The following UBL3 variants were observed in gnomAD, a reference collection of about 807,000 sequenced individuals.
UBL3 encodes ubiquitin-like protein 3.
UBL3 carries 6 observed loss-of-function variants against 18.4 expected under a neutral mutation model. The ratio of observed to expected loss-of-function variants is 0.33; its 90% CI spans 0.18 to 0.64. The LOEUF (loss-of-function observed/expected upper bound fraction) is 0.64. Among genes scored for constraint, UBL3 ranks in the 30% least tolerant of loss-of-function variants. The probability of loss-of-function intolerance (pLI) is 0.76; values close to 1 mark genes in which losing one functional copy is unlikely to be tolerated. For missense variants in UBL3, 109 were observed against 142.9 expected (o/e 0.76, Z 1.21); for synonymous variants, 49 against 46.6 (o/e 1.05, Z -0.21).
At chr13:29,777,524 C>T (rs771249051) in intron 1 of UBL3, 1 of 570,420 alleles carries the variant, frequency 1.8e-6, no homozygotes, top group Non-Finnish European at 3.4e-6. Context: ...ATTCATTACA[C>T]TTTTAAATTT....
At chr13:29,825,564 CTT>C (rs1346537999) in intron 1 of UBL3, among the ~76,000 whole-genome samples, 2 of 152,204 alleles carry the variant, frequency 1.3e-5, no homozygotes, top group Non-Finnish European at 2.9e-5. Flanking sequence ...TAACCTGAGA[CTT>C]TGCTGAAGTT....
intron 1 of UBL3, among the ~76,000 whole-genome samples, chr13:29,828,574 C>G (rs747050929): frequency 1.3e-5 from 2 of 152,106 alleles, no homozygotes; most frequent in East Asian, 1.9e-4. Flanking sequence ...GTTAGCCATT[C>G]GTCTAATCTT....
chr13:29,836,042 A>G (rs2139364265), intron 1 of UBL3, among the ~76,000 whole-genome samples: 1 of 152,322 alleles, frequency 6.6e-6, no homozygotes, highest in South Asian at 2.1e-4. Context: ...GGGAATGTGA[A>G]TCAAAGTAGA....
rs149700818 is a variant in UBL3, at chr13:29,777,275, C to T, written c.28-12G>A. ...AGGCGCAAATTTATCTGAAAGAAGA[C>T]AATGATTCTTTTAACATAAATCTAA... is the stretch of plus-strand genomic sequence containing the variant. On this transcript the variant is annotated splice_polypyrimidine_tract_variant and intron_variant, in intron 1 of 4. Transcript: ENST00000380680. The T allele has an allele frequency of 2.2e-4, 344 of 1,587,474 alleles. 2 individuals are homozygous for T. In the East Asian group the frequency reaches 5.6e-3, roughly 26 times the overall value.
chr13:29,835,116 ATATATATAAATATATATATATATATAT>A (rs1878902050), intron 1 of UBL3, among the ~76,000 whole-genome samples: 1 of 24,806 alleles, frequency 4.0e-5, no homozygotes, highest in Non-Finnish European at 6.6e-5. Context: ...AAATATATAT[ATATATATAAATATATATATATATATAT>A]ATATATATAT....
intron 1 of UBL3, among the ~76,000 whole-genome samples, chr13:29,847,736 G>C (rs1879263758): frequency 6.6e-6 from 1 of 152,146 alleles, no homozygotes; most frequent in African/African-American, 2.4e-5. Context: ...TTTCGAGAGA[G>C]CAAATCTTTG....
intron 1 of UBL3, among the ~76,000 whole-genome samples, chr13:29,833,634 G>A (rs1446464084): frequency 6.6e-6 from 1 of 152,088 alleles, no homozygotes; most frequent in Non-Finnish European, 1.5e-5. Context: ...ACATCTCTGT[G>A]AGCCCTTCCC....
intron 1 of UBL3, among the ~76,000 whole-genome samples, chr13:29,840,401 AT>A (rs1186932500): frequency 2.0e-5 from 3 of 152,226 alleles, no homozygotes; most frequent in African/African-American, 7.2e-5. Flanking sequence ...TCTTTCAAAC[AT>A]TTGTGGATGG....
At chr13:29,785,642 T>A (rs1877294782) in intron 1 of UBL3, among the ~76,000 whole-genome samples, 1 of 152,234 alleles carries the variant, frequency 6.6e-6, no homozygotes, top group Non-Finnish European at 1.5e-5. Context: ...TAAGACTGAT[T>A]TAAAATAAAA....
At chr13:29,773,948 C>T (rs568109730) in intron 2 of UBL3, among the ~76,000 whole-genome samples, 42 of 152,212 alleles carry the variant, frequency 2.8e-4, no homozygotes, top group African/African-American at 9.6e-4. Flanking sequence ...TTGTTATTAA[C>T]ATCAATAAGT....
At chr13:29,784,908 A>T (rs1049588445) in intron 1 of UBL3, among the ~76,000 whole-genome samples, 1 of 152,096 alleles carries the variant, frequency 6.6e-6, no homozygotes, top group Non-Finnish European at 1.5e-5. Context: ...GAATTTTATC[A>T]TTACCAATTT....
chr13:29,777,195 A>T lies in UBL3; in HGVS notation c.96T>A (p.Ala32=). The change falls in exon 2 of 5, where the codon GCT becomes GCA. Residue 32 remains alanine (A), a synonymous_variant. Transcript: ENST00000380680. The stretch of plus-strand genomic sequence containing the variant: ...CATATACATGCTTTGCAATGTCAGA[A>T]GCAGAATCGTTAGGAGAAAACAGGA... ...KEFLFSPNDS[A]SDIAKHVYDN... The T allele has an allele frequency of 1.9e-6, 3 of 1,609,586 alleles. No individual in the cohort carries two copies. The highest frequency in any genetic ancestry group is 2.5e-6 in the Non-Finnish European group (3 of 1,177,804).
At chr13:29,819,702 T>A (rs144337527) in intron 1 of UBL3, among the ~76,000 whole-genome samples, 9 of 152,244 alleles carry the variant, frequency 5.9e-5, no homozygotes, top group East Asian at 1.9e-4. Flanking sequence ...TCACTTTTTT[T>A]AAAAAAGGTA....
chr13:29,770,144 C>T (rs999634832), intron 3 of UBL3, among the ~76,000 whole-genome samples: 7 of 152,002 alleles, frequency 4.6e-5, no homozygotes, highest in South Asian at 2.1e-4. Flanking sequence ...ACACAGGCCA[C>T]TCAAATATTT....
chr13:29,816,568 G>A (rs1470229856), intron 1 of UBL3, among the ~76,000 whole-genome samples: 2 of 151,606 alleles, frequency 1.3e-5, no homozygotes, highest in Admixed American at 6.6e-5. Context: ...AGACCAGCCC[G>A]GGCAACATGG....
chr13:29,835,106 AAATATATAT>A (rs1566000949), intron 1 of UBL3, among the ~76,000 whole-genome samples: 386 of 28,220 alleles, frequency 0.014, 29 homozygotes, highest in Non-Finnish European at 0.014. Flanking sequence ...ATATATATAT[AAATATATAT>A]ATATATATAA....
intron 1 of UBL3, among the ~76,000 whole-genome samples, chr13:29,834,416 G>A (rs1414796758): frequency 1.3e-5 from 2 of 151,788 alleles, no homozygotes; most frequent in Non-Finnish European, 2.9e-5. Flanking sequence ...TCTCTTTACA[G>A]TCACAAAATA....
chr13:29,836,300 T>C (rs1311855037), intron 1 of UBL3, among the ~76,000 whole-genome samples: 1 of 150,464 alleles, frequency 6.6e-6, no homozygotes. Context: ...ACTAGAAGGA[T>C]AAAAGAGAGA....
At chr13:29,788,267 T>C (rs1877378160) in intron 1 of UBL3, among the ~76,000 whole-genome samples, 1 of 152,224 alleles carries the variant, frequency 6.6e-6, no homozygotes, top group South Asian at 2.1e-4. Context: ...TGCTCCTTTG[T>C]TGTGTCAATT....
Sources: allele counts gnomAD v4.1 joint callset (sites outside exome capture counted in the v4.1 genomes callset), GRCh38; gene constraint gnomAD v4.1.1; transcripts MANE v1.5; gene names NCBI Gene and HGNC (gene_info 2026-07-23, HGNC 2026-07-21).